PCBP3: variants seen among roughly 807,000 people sequenced by gnomAD.
PCBP3 encodes poly(rC) binding protein 3.
Under a neutral mutation model 52.7 loss-of-function variants are expected in PCBP3, and 25 were observed. The ratio of observed to expected loss-of-function variants is 0.47; its 90% confidence interval spans 0.35 to 0.66. The LOEUF is 0.66. Ranked by LOEUF, PCBP3 falls within the 30% of genes least tolerant of loss-of-function variation. The probability of loss-of-function intolerance (pLI) is 0.01; values close to 1 mark genes in which losing one functional copy is unlikely to be tolerated. For synonymous variants in PCBP3, 162 were observed against 183.0 expected, an observed-to-expected ratio of 0.89 and a Z score of 0.93; for missense variants, 391 against 490.3, an observed-to-expected ratio of 0.80 and a Z score of 1.91.
intron 4 of PCBP3, among the ~76,000 whole-genome samples, chr21:45,778,265 A>C (rs2090394145): frequency 6.6e-6 from 1 of 152,006 alleles, no homozygotes; most frequent in Non-Finnish European, 1.5e-5. Context: ...TGTGCTGGGG[A>C]CTGGGATGCC....
intron 2 of PCBP3, among the ~76,000 whole-genome samples, chr21:45,702,203 T>C (rs1307547644): frequency 6.6e-6 from 1 of 152,244 alleles, no homozygotes; most frequent in Non-Finnish European, 1.5e-5. Flanking sequence ...TGTAGTATTT[T>C]ATTACAGCCC....
chr21:45,922,863 G>T (rs2074642485), intron 13 of PCBP3, among the ~76,000 whole-genome samples: 1 of 152,254 alleles, frequency 6.6e-6, no homozygotes, highest in African/African-American at 2.4e-5. Flanking sequence ...AGCCGCCCAG[G>T]CAGCTGGACG....
chr21:45,931,838 A>G (rs1221748311), intron 15 of PCBP3, among the ~76,000 whole-genome samples: 1,553 of 76,296 alleles, frequency 0.02, no homozygotes, highest in Middle Eastern at 0.051. Context: ...GCCGTCCTGA[A>G]ATGAATGAAC....
chr21:45,693,061 A>G (rs2082574915), intron 2 of PCBP3, among the ~76,000 whole-genome samples: 1 of 152,192 alleles, frequency 6.6e-6, no homozygotes, highest in African/African-American at 2.4e-5. Context: ...TAGTTGCAGA[A>G]AAACATTTGA....
intron 2 of PCBP3, among the ~76,000 whole-genome samples, chr21:45,695,540 T>C (rs2082718587): frequency 6.6e-6 from 1 of 152,208 alleles, no homozygotes; most frequent in Non-Finnish European, 1.5e-5. Flanking sequence ...AGAGAGACCC[T>C]CTTCTGAGTT....
intron 5 of PCBP3, among the ~76,000 whole-genome samples, chr21:45,886,130 A>G: frequency 1.0e-5 from 1 of 98,400 alleles, no homozygotes; most frequent in African/African-American, 2.8e-5. Flanking sequence ...GCTGGTACCA[A>G]GGACAGAGGA....
chr21:45,774,231 C>T (rs2090085654), intron 4 of PCBP3, among the ~76,000 whole-genome samples: 2 of 151,630 alleles, frequency 1.3e-5, no homozygotes, highest in Admixed American at 6.6e-5. Flanking sequence ...GGTGAAACTC[C>T]ATATCTACTA....
intron 5 of PCBP3, among the ~76,000 whole-genome samples, chr21:45,865,506 A>C (rs2148517098): frequency 6.6e-6 from 1 of 152,338 alleles, no homozygotes; most frequent in African/African-American, 2.4e-5. Flanking sequence ...TCCCCTTTGT[A>C]CTTCTCAGAA....
chr21:45,904,807 C>T lies in PCBP3; in HGVS notation c.339+3694C>T, dbSNP rs1488179990. On this transcript the variant is annotated intron_variant, in intron 9 of 17. Transcript: ENST00000681687. This position sits in a 1 kb window ranked among gnomAD's most constrained non-coding sequence, Gnocchi z 4.8. ...CGTCGCTCTGGGGCCGTGTCTCACC[C>T]TCACACCATGTCACGATTGTGCTGG... Among the ~76,000 whole-genome samples the T allele has an allele frequency of 1.3e-5, 2 of 152,188 alleles. No homozygotes were observed. Among genetic ancestry groups the T allele is most frequent in the Non-Finnish European group, 2.9e-5 (2 of 68,036 alleles).
rs531106168 is a variant in PCBP3, at chr21:45,758,729, A to C, written c.-126+3277A>C. 3.5e-3 allele frequency among the ~76,000 whole-genome samples: 532 copies of C among 151,224 alleles called. 2 individuals are homozygous for C. The highest frequency in any genetic ancestry group is 0.012 in the African/African-American group (476 of 41,198). On this transcript the variant is annotated intron_variant, in intron 4 of 17. Coordinates refer to ENST00000681687, the MANE Select transcript of PCBP3 (RefSeq NM_001384156.1). ...ACAGTTTCTAACCCACAGGCTCTTT[A>C]TTTCTTTTACTTCTCTTAGGGTACT... is the stretch of plus-strand genomic sequence containing the variant.
rs1229602434 is a variant in PCBP3 at position 45,736,292 on chromosome 21, A to C, written c.-162+863A>C. 1.3e-5 allele frequency among the ~76,000 whole-genome samples: 2 copies of C among 152,162 alleles called. No homozygotes were observed. The highest frequency in any genetic ancestry group is 2.9e-5 in the Non-Finnish European group (2 of 68,038). ...AACTCACTCAGGTTATCTTGGTGCCAGTGGTGGGGCTGGGATTTGAGCCAA... is the reference window on the plus strand; with the variant it reads ...AACTCACTCAGGTTATCTTGGTGCCCGTGGTGGGGCTGGGATTTGAGCCAA... On this transcript the variant is annotated intron_variant, in intron 3 of 17. Coordinates refer to ENST00000681687, the MANE Select transcript of PCBP3 (RefSeq NM_001384156.1). The surrounding 1 kb of genome is among the most constrained non-coding windows in gnomAD (Gnocchi z 4.6).
At chr21:45,787,591 C>T (rs1189480068) in intron 4 of PCBP3, among the ~76,000 whole-genome samples, 3 of 152,104 alleles carry the variant, frequency 2.0e-5, no homozygotes, top group Non-Finnish European at 4.4e-5. Context: ...TCCTTGCTGC[C>T]TAAATTATAT....
At chr21:45,661,359 A>G (rs1159191237) in intron 1 of PCBP3, among the ~76,000 whole-genome samples, 1 of 151,836 alleles carries the variant, frequency 6.6e-6, no homozygotes, top group African/African-American at 2.4e-5. Flanking sequence ...CTGTGTGTCC[A>G]TGTGTATATA....
intron 1 of PCBP3, among the ~76,000 whole-genome samples, chr21:45,649,922 T>C (rs2079568957): frequency 6.6e-6 from 1 of 152,136 alleles, no homozygotes; most frequent in Non-Finnish European, 1.5e-5. Context: ...ACAGTGTACT[T>C]ATTTAGATAA....
chr21:45,869,956 G>A (rs4819160), intron 5 of PCBP3, among the ~76,000 whole-genome samples: 14,524 of 152,160 alleles, frequency 0.095, 889 homozygotes, highest in Non-Finnish European at 0.14. Context: ...CTTTTTAGTC[G>A]GATTTTTTTA....
At position 45,691,973 on chromosome 21, in the gene PCBP3, T is replaced by C. The variant is rs1003779800; in HGVS notation, c.-200+23021T>C. Among the ~76,000 whole-genome samples the C allele has an allele frequency of 2.6e-5, 4 of 152,172 alleles. No homozygotes were observed. The East Asian group carries it at 7.7e-4, about 29-fold the overall frequency. Reference sequence around the variant, plus strand: ...AACTCTCCCACGTTCTCCAGGTGTCTAGGGGATAGAGTCACCCTGAAGGAA... The same window carrying C: ...AACTCTCCCACGTTCTCCAGGTGTCCAGGGGATAGAGTCACCCTGAAGGAA... On this transcript the variant is annotated intron_variant, in intron 2 of 17. Transcript: ENST00000681687.
intron 2 of PCBP3, among the ~76,000 whole-genome samples, chr21:45,715,864 T>C (rs533810452): frequency 4.6e-5 from 7 of 152,318 alleles, no homozygotes; most frequent in Non-Finnish European, 1.0e-4. Flanking sequence ...AATTCTTTTT[T>C]ATATTCTGGA....
At chr21:45,918,071 C>T (rs899074641) in intron 13 of PCBP3, 1 of 266,810 alleles carries the variant, frequency 3.7e-6, no homozygotes, top group Non-Finnish European at 7.3e-6. Context: ...TTAACTCCCC[C>T]TTTCAGAGTC....
chr21:45,791,220 G>A lies in PCBP3; in HGVS notation c.-126+35768G>A, dbSNP rs1315670438. 6.6e-6 allele frequency among the ~76,000 whole-genome samples: 1 copy of A among 152,224 alleles called. No homozygotes were observed. The highest frequency in any genetic ancestry group is 2.4e-5 in the African/African-American group (1 of 41,468). On this transcript the variant is annotated intron_variant, in intron 4 of 17. Transcript: ENST00000681687. The surrounding 1 kb of genome is among the most constrained non-coding windows in gnomAD (Gnocchi z 4.2). ...GAAGACAGGAATCGGTATGAGATAT[G>A]CATATTTATATGTTTTTGATGTACG...
Sources: gnomAD v4.1 joint callset for allele counts (sites outside exome capture counted in the v4.1 genomes callset) on GRCh38, gnomAD v4.1.1 for gene constraint, Gnocchi (gnomAD v3.1) non-coding constraint, MANE v1.5 for transcripts, NCBI Gene and HGNC (gene_info 2026-07-23, HGNC 2026-07-21) for gene names.